AFF3: variants seen among roughly 807,000 people sequenced by gnomAD.
AFF3 encodes the protein AF4/FMR2 family member 3.
In AFF3, 32 loss-of-function variants were observed where a neutral mutation model predicts 129.7. That is an observed-to-expected ratio of 0.25 (90% CI 0.19 to 0.33). The LOEUF (loss-of-function observed/expected upper bound fraction) is 0.33, where lower values mean the gene tolerates loss of function less well. Ranked by LOEUF, AFF3 falls within the 10% of genes least tolerant of loss-of-function variation. The pLI, the probability that AFF3 is intolerant of heterozygous loss-of-function variation, is 1.00. For synonymous variants in AFF3, 644 were observed against 635.4 expected (o/e 1.01, Z -0.20); for missense variants, 1,373 against 1,592.0 (o/e 0.86, Z 2.34).
chr2:99,689,124 G>A (rs1452293037), intron 11 of AFF3, among the ~76,000 whole-genome samples: 2 of 152,086 alleles, frequency 1.3e-5, no homozygotes, highest in Non-Finnish European at 2.9e-5. Flanking sequence ...TTGTGACGCT[G>A]CTTCGGTTTA....
In AFF3 at chr2:99,593,634, G is replaced by A. The variant is rs779856914; in HGVS notation, c.2027C>T (p.Ser676Phe). ...CTCGGACTCCAGGTCGGAGTCCGAGGAGGAGGATGAAGATGACGACTCTGT... is the reference window on the plus strand; with the variant it reads ...CTCGGACTCCAGGTCGGAGTCCGAGAAGGAGGATGAAGATGACGACTCTGT... ...IETESSSSSS[S>F]SDSDLESEQE... Residue 676 changes from serine (S) to phenylalanine (F), a missense_variant, in exon 15 of 25, where the codon TCC becomes TTC. Around this residue, in one of 9 missense-constraint regions of AFF3, gnomAD observed 466 missense variants for 505.0 expected, o/e 0.92. Coordinates refer to ENST00000672756, the MANE Select transcript of AFF3 (RefSeq NM_001386135.1). The A allele has an allele frequency of 6.2e-7, 1 of 1,609,652 alleles. No individual in the cohort carries two copies.
chr2:100,016,232 T>C (rs965878576), intron 4 of AFF3, among the ~76,000 whole-genome samples: 7 of 150,106 alleles, frequency 4.7e-5, no homozygotes, highest in African/African-American at 9.8e-5. Context: ...GTGGCGGTGA[T>C]GGTGGTGGGG....
chr2:99,686,210 C>T (rs1193580134), intron 11 of AFF3, among the ~76,000 whole-genome samples: 1 of 151,994 alleles, frequency 6.6e-6, no homozygotes, highest in Non-Finnish European at 1.5e-5. Context: ...CAGACAGGAT[C>T]CCAGTCCAAT....
intron 10 of AFF3, among the ~76,000 whole-genome samples, chr2:99,743,733 C>T (rs1680911511): frequency 6.6e-6 from 1 of 152,138 alleles, no homozygotes; most frequent in African/African-American, 2.4e-5. Context: ...ATCTTAAGGT[C>T]TACTGATTGA....
chr2:99,587,455 C>T (rs1217734332), intron 15 of AFF3, among the ~76,000 whole-genome samples, 177 bp from the exon 16 acceptor site: 1 of 152,184 alleles, frequency 6.6e-6, no homozygotes, highest in Admixed American at 6.5e-5. Flanking sequence ...CCTCAACAAG[C>T]AAGGATGAAA....
intron 14 of AFF3, among the ~76,000 whole-genome samples, chr2:99,599,431 G>C (rs568156461): frequency 6.6e-6 from 1 of 152,054 alleles, no homozygotes; most frequent in Non-Finnish European, 1.5e-5. Context: ...GCTAATTTTT[G>C]TATTTTTAGT....
intron 13 of AFF3, among the ~76,000 whole-genome samples, chr2:99,602,070 G>A (rs893679863): frequency 6.6e-6 from 1 of 152,328 alleles, no homozygotes; most frequent in Middle Eastern, 3.4e-3. Context: ...AATGCAGCAT[G>A]ATGGCAGGGA....
intron 11 of AFF3, among the ~76,000 whole-genome samples, chr2:99,726,339 C>T (rs139235581): frequency 1.3e-5 from 2 of 152,204 alleles, no homozygotes; most frequent in East Asian, 3.9e-4. Flanking sequence ...ATTCACAAAG[C>T]CTATCTTATA....
chr2:100,000,676 C>T (rs754073499), intron 7 of AFF3, among the ~76,000 whole-genome samples: 2 of 152,164 alleles, frequency 1.3e-5, no homozygotes. Context: ...ATATTACATA[C>T]GTCTCATTCA....
At chr2:100,099,859 C>T (rs953899125) in intron 4 of AFF3, among the ~76,000 whole-genome samples, 1 of 151,756 alleles carries the variant, frequency 6.6e-6, no homozygotes, top group Non-Finnish European at 1.5e-5. Flanking sequence ...TAGTAATAAG[C>T]GTTATTTCAT....
chr2:99,951,446 T>C (rs955198738), intron 7 of AFF3, among the ~76,000 whole-genome samples: 1 of 152,124 alleles, frequency 6.6e-6, no homozygotes, highest in African/African-American at 2.4e-5. Flanking sequence ...ATCCCGTATT[T>C]TTGTAAGATT....
intron 7 of AFF3, among the ~76,000 whole-genome samples, chr2:99,997,981 G>T (rs1681009031): frequency 6.6e-6 from 1 of 150,398 alleles, no homozygotes. Context: ...TCTTTCCCCT[G>T]CTCTGCTTTT....
intron 4 of AFF3, among the ~76,000 whole-genome samples, chr2:100,023,034 G>A (rs1683729401): frequency 6.6e-6 from 1 of 152,192 alleles, no homozygotes; most frequent in Non-Finnish European, 1.5e-5. Context: ...CTCCATCTGG[G>A]TTTCCCAGCT....
intron 10 of AFF3, among the ~76,000 whole-genome samples, chr2:99,731,111 A>C (rs4241200): frequency 0.87 from 131,301 of 151,710 alleles, 57,127 homozygotes; most frequent in African/African-American, 0.96. Context: ...CTGCATGCCA[A>C]AACACCTGGC....
Position 99,946,258 on chromosome 2 carries a change from A to T in AFF3, c.873+60374T>A, listed in dbSNP as rs567815792. Among the ~76,000 whole-genome samples the T allele has an allele frequency of 1.4e-3, 213 of 151,972 alleles. 2 individuals are homozygous for T. Among genetic ancestry groups the T allele is most frequent in the African/African-American group, 4.9e-3 (205 of 41,444 alleles). Reference sequence around the variant, plus strand: ...GAGGCTGAGGCAGGCGGGTCATTTGAGGTCAGGAGTTTGAAACCAGCTTGG... The same window carrying T: ...GAGGCTGAGGCAGGCGGGTCATTTGTGGTCAGGAGTTTGAAACCAGCTTGG... On this transcript the variant is annotated intron_variant, in intron 7 of 24. Transcript: ENST00000672756.
At chr2:100,056,826 G>A (rs1686826261) in intron 4 of AFF3, among the ~76,000 whole-genome samples, 1 of 152,104 alleles carries the variant, frequency 6.6e-6, no homozygotes, top group Non-Finnish European at 1.5e-5. Flanking sequence ...CACACTTTCT[G>A]GTTCACCTCA....
chr2:99,967,128 T>C lies in AFF3; in HGVS notation c.873+39504A>G, dbSNP rs566378155. ...CACAATTCTCACCCCAGCCCTTCCATTGCTCTTTCCCCCAGTCCTTCACTT... is the reference window on the plus strand; with the variant it reads ...CACAATTCTCACCCCAGCCCTTCCACTGCTCTTTCCCCCAGTCCTTCACTT... On this transcript the variant is annotated intron_variant, in intron 7 of 24. Coordinates refer to ENST00000672756, the MANE Select transcript of AFF3 (RefSeq NM_001386135.1). Among the ~76,000 whole-genome samples the C allele has an allele frequency of 3.9e-5, 6 of 152,222 alleles. No individual in the cohort carries two copies. The South Asian group carries it at 1.2e-3, about 32-fold the overall frequency.
At chr2:99,951,279 C>T (rs558474610) in intron 7 of AFF3, among the ~76,000 whole-genome samples, 65 of 152,260 alleles carry the variant, frequency 4.3e-4, no homozygotes, top group African/African-American at 1.5e-3. Flanking sequence ...GCAATTCTTG[C>T]AAGAGCTTCT....
chr2:99,778,326 T>C (rs1684108157), intron 8 of AFF3, among the ~76,000 whole-genome samples: 1 of 152,210 alleles, frequency 6.6e-6, no homozygotes, highest in Non-Finnish European at 1.5e-5. Context: ...AAAATATTTG[T>C]TCAAAACATG....
Sources: allele counts gnomAD v4.1 joint callset (sites outside exome capture counted in the v4.1 genomes callset), GRCh38; gene constraint gnomAD v4.1.1; regional missense constraint gnomAD v4.1.1; transcripts MANE v1.5; gene names NCBI Gene and HGNC (gene_info 2026-07-23, HGNC 2026-07-21).